The following PTPRD variants were observed in gnomAD, a reference collection of about 807,000 sequenced individuals.
The protein encoded by PTPRD is receptor-type tyrosine-protein phosphatase delta.
In PTPRD, 34 loss-of-function variants were observed where a neutral mutation model predicts 214.5. The observed-to-expected ratio is 0.16, with a 90% CI of 0.12 to 0.21. PTPRD has a LOEUF of 0.21. PTPRD is among the 10% of genes least tolerant of loss of function. The probability of loss-of-function intolerance (pLI) is 1.00; values close to 1 mark genes in which losing one functional copy is unlikely to be tolerated. For synonymous variants in PTPRD, 1,128 were observed against 845.7 expected, an observed-to-expected ratio of 1.33 and a Z score of -5.79; for missense variants, 2,545 against 2,398.7, an observed-to-expected ratio of 1.06 and a Z score of -1.27.
intron 9 of PTPRD, among the ~76,000 whole-genome samples, chr9:9,391,449 A>C (rs1270189701): frequency 6.6e-6 from 1 of 152,216 alleles, no homozygotes; most frequent in East Asian, 1.9e-4. Context: ...ACATTACCTT[A>C]AATTAGAAAT....
At chr9:8,435,474 T>C (rs373225491) in intron 35 of PTPRD, among the ~76,000 whole-genome samples, 2 of 152,106 alleles carry the variant, frequency 1.3e-5, no homozygotes, top group Non-Finnish European at 2.9e-5. Context: ...ACCCCGATGG[T>C]GAAATTTGGG....
At chr9:9,656,006 G>T (rs1299380274) in intron 7 of PTPRD, among the ~76,000 whole-genome samples, 3 of 152,050 alleles carry the variant, frequency 2.0e-5, no homozygotes, top group Admixed American at 2.0e-4. Context: ...AATAATGGAA[G>T]ATAAGCATAT....
intron 11 of PTPRD, among the ~76,000 whole-genome samples, chr9:8,918,557 G>C (rs1407961557): frequency 6.6e-6 from 1 of 152,098 alleles, no homozygotes; most frequent in Non-Finnish European, 1.5e-5. Flanking sequence ...GAGAGAGAGT[G>C]TGTGTGTATG....
chr9:10,260,095 A>G (rs1219634349), intron 3 of PTPRD, among the ~76,000 whole-genome samples: 1 of 152,174 alleles, frequency 6.6e-6, no homozygotes, highest in African/African-American at 2.4e-5. Context: ...CTTAGGATAT[A>G]TTTATACTAA....
chr9:9,440,682 A>G (rs1326208522), intron 8 of PTPRD, among the ~76,000 whole-genome samples: 2 of 152,218 alleles, frequency 1.3e-5, no homozygotes, highest in Admixed American at 1.3e-4. Context: ...TGTCTTCAAG[A>G]AATCTATTTG....
At chr9:9,590,348 T>A (rs1292390161) in intron 7 of PTPRD, among the ~76,000 whole-genome samples, 1 of 152,002 alleles carries the variant, frequency 6.6e-6, no homozygotes, top group East Asian at 1.9e-4. Context: ...TAACACATAG[T>A]GGGTACTTAA....
At chr9:8,779,443 T>C (rs989936443) in intron 11 of PTPRD, among the ~76,000 whole-genome samples, 1 of 152,130 alleles carries the variant, frequency 6.6e-6, no homozygotes, top group African/African-American at 2.4e-5. Flanking sequence ...CAATAAAACC[T>C]AATGTGTCGT....
chr9:9,439,998 G>A (rs892491577), intron 8 of PTPRD, among the ~76,000 whole-genome samples: 1 of 152,176 alleles, frequency 6.6e-6, no homozygotes, highest in Non-Finnish European at 1.5e-5. Flanking sequence ...ACAAGTCAAA[G>A]TCTATACCTC....
intron 11 of PTPRD, among the ~76,000 whole-genome samples, chr9:8,898,154 A>C (rs2098635501): frequency 6.6e-6 from 1 of 150,510 alleles, no homozygotes; most frequent in Non-Finnish European, 1.5e-5. Flanking sequence ...CATGCCCTCA[A>C]CTCTTATGTA....
chr9:9,745,517 G>A lies in PTPRD; in HGVS notation c.-325-10946C>T, dbSNP rs1468342690. 3.9e-5 allele frequency among the ~76,000 whole-genome samples: 6 copies of A among 151,980 alleles called. No homozygotes were observed. In the East Asian group the frequency reaches 7.7e-4, roughly 20 times the overall value. ...CTCTCTTTATCACCATCGTGGCAGG[G>A]CAAATGAATGTTCCCTTCAGCTGTG... On this transcript the variant is annotated intron_variant, in intron 6 of 45. Transcript: ENST00000381196.
intron 5 of PTPRD, among the ~76,000 whole-genome samples, chr9:9,771,427 T>C (rs906952339): frequency 2.6e-5 from 4 of 152,206 alleles, no homozygotes; most frequent in Non-Finnish European, 5.9e-5. Flanking sequence ...ATCTTGTTAC[T>C]GTAATGGAAC....
At position 9,613,131 on chromosome 9, in the gene PTPRD, CATACATATATATAT is replaced by C. The variant is rs1476376213; in HGVS notation, c.-286-38364_-286-38351del. ...TAATAGCTAGGCTGCAGTATACATACATACATATATATATATATATATATATATATATATATATA... is the reference window on the plus strand; with the variant it reads ...TAATAGCTAGGCTGCAGTATACATACATATATATATATATATATATATATA... On this transcript the variant is annotated intron_variant, in intron 7 of 45. Transcript: ENST00000381196. Among the ~76,000 whole-genome samples the C allele has an allele frequency of 2.6e-3, 106 of 40,906 alleles. 6 individuals carry two copies. The East Asian group carries it at 0.039, about 15-fold the overall frequency. 26.8% of individuals were successfully genotyped at this position (40,906 alleles called of 152,430 possible).
At chr9:9,660,047 A>G (rs558581669) in intron 7 of PTPRD, among the ~76,000 whole-genome samples, 1 of 152,162 alleles carries the variant, frequency 6.6e-6, no homozygotes, top group Admixed American at 6.5e-5. Flanking sequence ...TTTTTAACAT[A>G]CTTTATTTAA....
At chr9:9,465,554 C>T (rs569495819) in intron 8 of PTPRD, among the ~76,000 whole-genome samples, 2 of 152,184 alleles carry the variant, frequency 1.3e-5, no homozygotes, top group South Asian at 2.1e-4. Flanking sequence ...AACAAATACC[C>T]GAAAGACAAA....
intron 11 of PTPRD, among the ~76,000 whole-genome samples, chr9:8,972,121 A>G (rs1373729478): frequency 6.6e-6 from 1 of 151,800 alleles, no homozygotes; most frequent in Non-Finnish European, 1.5e-5. Context: ...GCATTACCTC[A>G]CCCAATGACC....
chr9:9,828,500 G>T (rs1464798983), intron 5 of PTPRD, among the ~76,000 whole-genome samples: 1 of 152,102 alleles, frequency 6.6e-6, no homozygotes, highest in Non-Finnish European at 1.5e-5. Context: ...GGGGTCTGTT[G>T]TGAGGTGTGG....
chr9:10,198,730 T>A (rs2099407758), intron 3 of PTPRD, among the ~76,000 whole-genome samples: 1 of 152,132 alleles, frequency 6.6e-6, no homozygotes, highest in African/African-American at 2.4e-5. Context: ...TTAATAAGCC[T>A]TTTTAGTTCT....
intron 5 of PTPRD, among the ~76,000 whole-genome samples, chr9:9,860,310 G>A (rs1192240987): frequency 6.6e-6 from 1 of 152,202 alleles, no homozygotes; most frequent in Non-Finnish European, 1.5e-5. Context: ...CAACTTGTAT[G>A]TGAAAACTTA....
chr9:9,386,002 T>A (rs894694230), intron 9 of PTPRD, among the ~76,000 whole-genome samples: 1 of 152,092 alleles, frequency 6.6e-6, no homozygotes, highest in African/African-American at 2.4e-5. Context: ...GTTGGGAGAT[T>A]TCAGAAGCCC....
Sources: gnomAD v4.1 joint callset for allele counts (sites outside exome capture counted in the v4.1 genomes callset) on GRCh38, gnomAD v4.1.1 for gene constraint, MANE v1.5 for transcripts, NCBI Gene and HGNC (gene_info 2026-07-23, HGNC 2026-07-21) for gene names.